The following TMC1 variants were observed in gnomAD, a reference collection of about 807,000 sequenced individuals.
TMC1 encodes transmembrane channel like 1.
A neutral mutation model predicts 105.8 loss-of-function variants in TMC1; 84 were observed. The observed-to-expected ratio is 0.79, with a 90% confidence interval of 0.67 to 0.95. The LOEUF (loss-of-function observed/expected upper bound fraction) is 0.95, where lower values mean the gene tolerates loss of function less well. Ranked by LOEUF, TMC1 falls within the 40% of genes least tolerant of loss-of-function variation. The probability of loss-of-function intolerance (pLI) is 0.00; values close to 1 mark genes in which losing one functional copy is unlikely to be tolerated. For synonymous variants in TMC1, 315 were observed against 311.5 expected, an observed-to-expected ratio of 1.01 and a Z score of -0.12; for missense variants, 817 against 914.1, an observed-to-expected ratio of 0.89 and a Z score of 1.37.
At chr9:72,733,103 T>A (rs2117990325) in intron 8 of TMC1, among the ~76,000 whole-genome samples, 1 of 152,238 alleles carries the variant, frequency 6.6e-6, no homozygotes, top group Non-Finnish European at 1.5e-5. Flanking sequence ...TGTCCAAGTG[T>A]AACATTTTAC....
chr9:72,708,727 AC>A (rs1826785662), intron 8 of TMC1, among the ~76,000 whole-genome samples: 1 of 151,876 alleles, frequency 6.6e-6, no homozygotes, highest in Admixed American at 6.6e-5. Flanking sequence ...TGACAGTTTC[AC>A]CTCTTTACCA....
chr9:72,611,720 A>AAGG (rs1825027668), intron 2 of TMC1, among the ~76,000 whole-genome samples: 1 of 152,170 alleles, frequency 6.6e-6, no homozygotes, highest in African/African-American at 2.4e-5. Context: ...TGTTTTTAGA[A>AAGG]AGGATACAAA....
rs1228333142 is a variant in TMC1 at position 72,792,196 on chromosome 9, AGAG to A, written c.1414_1416del (p.Glu472del). On this transcript the variant is annotated inframe_deletion, in exon 17 of 24. Transcript: ENST00000297784. Reference sequence around the variant, plus strand: ...TCTATCTCTTTGCTTTCTAGATTGAAGAGGAGAAGCTAGTAAAGGCCAATATTA... The same window carrying A: ...TCTATCTCTTTGCTTTCTAGATTGAAGAGAAGCTAGTAAAGGCCAATATTA... The A allele has an allele frequency of 6.2e-7, 1 of 1,614,062 alleles. No homozygotes were observed. Among genetic ancestry groups the A allele is most frequent in the Non-Finnish European group, 8.5e-7 (1 of 1,180,024 alleles).
At chr9:72,828,862 C>G (rs999988102) in intron 21 of TMC1, among the ~76,000 whole-genome samples, 21 of 152,180 alleles carry the variant, frequency 1.4e-4, no homozygotes, top group African/African-American at 4.6e-4. Context: ...AATTCGAGGG[C>G]CAGAGGCAAA....
intron 13 of TMC1, among the ~76,000 whole-genome samples, chr9:72,786,401 G>C (rs1369530915): frequency 6.6e-6 from 1 of 152,116 alleles, no homozygotes; most frequent in African/African-American, 2.4e-5. Context: ...CCGAGATCGC[G>C]CCACTGCACT....
At chr9:72,553,521 A>C (rs4341222) in intron 1 of TMC1, among the ~76,000 whole-genome samples, 79,709 of 151,996 alleles carry the variant, frequency 0.52, 21,841 homozygotes, top group African/African-American at 0.69. Context: ...AAGAACCAAA[A>C]AGGAATAAAG....
At chr9:72,835,252 TAGG>T (rs929821887) in intron 23 of TMC1, among the ~76,000 whole-genome samples, 2 of 152,198 alleles carry the variant, frequency 1.3e-5, no homozygotes, top group Non-Finnish European at 2.9e-5. Flanking sequence ...TTTCCTACAC[TAGG>T]AGAACAATGG....
chr9:72,758,204 G>T (rs916608114), intron 12 of TMC1, among the ~76,000 whole-genome samples: 1 of 152,088 alleles, frequency 6.6e-6, no homozygotes, highest in African/African-American at 2.4e-5. Flanking sequence ...AGGAAAGATA[G>T]GTTGATTCAT....
chr9:72,522,575 T>C (rs1271389656), intron 1 of TMC1, among the ~76,000 whole-genome samples: 1 of 151,940 alleles, frequency 6.6e-6, no homozygotes, highest in Non-Finnish European at 1.5e-5. Flanking sequence ...AGGGAAGAAA[T>C]ACAGAGAACT....
chr9:72,603,421 A>C (rs1355300752), intron 2 of TMC1, among the ~76,000 whole-genome samples: 2 of 145,262 alleles, frequency 1.4e-5, no homozygotes, highest in Non-Finnish European at 3.0e-5. Context: ...ACACACACAC[A>C]CCACACTCCA....
intron 1 of TMC1, among the ~76,000 whole-genome samples, chr9:72,536,368 C>T (rs9697232): frequency 0.52 from 79,618 of 151,872 alleles, 21,818 homozygotes; most frequent in African/African-American, 0.69. Flanking sequence ...AGTCTCGCTC[C>T]GTCACCCAGG....
At chr9:72,664,709 C>T (rs901839098) in intron 5 of TMC1, among the ~76,000 whole-genome samples, 1 of 152,142 alleles carries the variant, frequency 6.6e-6, no homozygotes, top group Non-Finnish European at 1.5e-5. Context: ...CCCTTTCCAG[C>T]TCCCCACCCA....
At chr9:72,633,104 G>A (rs980110297) in intron 4 of TMC1, among the ~76,000 whole-genome samples, 4 of 152,084 alleles carry the variant, frequency 2.6e-5, no homozygotes, top group Non-Finnish European at 4.4e-5. Flanking sequence ...TTTGAACAAT[G>A]AGAATGTTAA....
intron 5 of TMC1, among the ~76,000 whole-genome samples, chr9:72,678,434 G>A (rs753443269): frequency 4.5e-4 from 69 of 151,960 alleles, no homozygotes; most frequent in East Asian, 1.9e-4. Context: ...TCATGCTTAC[G>A]GGTTTGAATT....
At chr9:72,831,960 T>TATAAATCATGCTGC (rs1243828224) in intron 23 of TMC1, among the ~76,000 whole-genome samples, 1 of 151,436 alleles carries the variant, frequency 6.6e-6, no homozygotes, top group Non-Finnish European at 1.5e-5. Context: ...CCCAAAGGAT[T>TATAAATCATGCTGC]TTTTTTCTTT....
At chr9:72,560,507 T>C (rs1824026015) in intron 1 of TMC1, among the ~76,000 whole-genome samples, 1 of 152,152 alleles carries the variant, frequency 6.6e-6, no homozygotes, top group Non-Finnish European at 1.5e-5. Context: ...CTTTTCTTTT[T>C]CTTTTTTTTG....
At chr9:72,790,943 T>G (rs1000668) in intron 15 of TMC1, among the ~76,000 whole-genome samples, 1 of 151,924 alleles carries the variant, frequency 6.6e-6, no homozygotes, top group Admixed American at 6.6e-5. Flanking sequence ...ATTATAATTA[T>G]TCACACCACG....
intron 5 of TMC1, among the ~76,000 whole-genome samples, chr9:72,676,605 C>G (rs1826206554): frequency 6.6e-6 from 1 of 152,166 alleles, no homozygotes; most frequent in Non-Finnish European, 1.5e-5. Flanking sequence ...AGCCAAAACT[C>G]AAACATGTCT....
At chr9:72,655,880 G>A (rs1825876237) in intron 5 of TMC1, 2 of 770,136 alleles carry the variant, frequency 2.6e-6, no homozygotes, top group Non-Finnish European at 4.7e-6. Context: ...GCTCAATACT[G>A]ATGGAAGTAA....
Sources: allele counts gnomAD v4.1 joint callset (sites outside exome capture counted in the v4.1 genomes callset), GRCh38; gene constraint gnomAD v4.1.1; transcripts MANE v1.5; gene names NCBI Gene and HGNC (gene_info 2026-07-23, HGNC 2026-07-21).